Variants in CPLANE1 observed in about 807,000 individuals in gnomAD.
CPLANE1 encodes ciliogenesis and planar polarity effector 1.
In CPLANE1, 263 loss-of-function variants were observed where a neutral mutation model predicts 362.5. That is an observed-to-expected ratio of 0.73 (90% CI 0.66 to 0.80). The LOEUF is 0.80. Among genes scored for constraint, CPLANE1 ranks in the 30% least tolerant of loss-of-function variants. The probability of loss-of-function intolerance (pLI) is 0.00; values close to 1 mark genes in which losing one functional copy is unlikely to be tolerated. For synonymous variants in CPLANE1, 1,212 were observed against 1,302.6 expected, an observed-to-expected ratio of 0.93 and a Z score of 1.50; for missense variants, 3,461 against 3,793.4, an observed-to-expected ratio of 0.91 and a Z score of 2.30.
chr5:37,136,526 G>A lies in CPLANE1; in HGVS notation c.8792+2194C>T, dbSNP rs140568564. Among the ~76,000 whole-genome samples the A allele has an allele frequency of 8.4e-4, 128 of 152,308 alleles. No homozygotes were observed. The East Asian group carries it at 0.014, about 17-fold the overall frequency. Reference sequence around the variant, plus strand: ...TCTACCATTCTGGGGTCTGAAGGACGATGGCCCTCTTCTCACAGCTCCACT... The same window carrying A: ...TCTACCATTCTGGGGTCTGAAGGACAATGGCCCTCTTCTCACAGCTCCACT... On this transcript the variant is annotated intron_variant, in intron 46 of 52. Coordinates refer to ENST00000651892, the MANE Select transcript of CPLANE1 (RefSeq NM_001384732.1).
At chr5:37,124,729 TTC>T in intron 47 of CPLANE1, 2 of 230,390 alleles carry the variant, frequency 8.7e-6, no homozygotes, top group African/African-American at 4.7e-5. Context: ...ATTTTTTTTT[TTC>T]TTTTGTAGAG....
intron 8 of CPLANE1, among the ~76,000 whole-genome samples, chr5:37,235,567 C>CTTTTTTTTTTTT (rs546612161): frequency 1.1e-5 from 1 of 93,360 alleles, no homozygotes; most frequent in Non-Finnish European, 2.0e-5. Context: ...TATCTAATTT[C>CTTTTTTTTTTTT]TTTTTTTTTT....
chr5:37,224,995 G>A (rs1420384763), intron 12 of CPLANE1, among the ~76,000 whole-genome samples: 2 of 141,796 alleles, frequency 1.4e-5, no homozygotes, highest in African/African-American at 5.3e-5. Context: ...ACGTTGCCCA[G>A]ACTGATCTCA....
At chr5:37,078,585 C>T in the CPLANE1 span, among the ~76,000 whole-genome samples, 1 of 152,112 alleles carries the variant, frequency 6.6e-6, no homozygotes, top group African/African-American at 2.4e-5. Flanking sequence ...ATTGCTGGGT[C>T]AAATGGTATT....
At chr5:37,154,136 C>A in intron 41 of CPLANE1, 143 bp from the exon 42 acceptor site, 1 of 637,522 alleles carries the variant, frequency 1.6e-6, no homozygotes, top group South Asian at 2.8e-5. Context: ...CCTAAAAATT[C>A]CTTTTCAGCT....
chr5:37,223,516 T>A (rs1795790257), intron 14 of CPLANE1, among the ~76,000 whole-genome samples: 1 of 152,112 alleles, frequency 6.6e-6, no homozygotes, highest in Non-Finnish European at 1.5e-5. Context: ...GCCACAGCAG[T>A]CAGAAAATAA....
chr5:37,123,296 T>C (rs535742446), intron 47 of CPLANE1, among the ~76,000 whole-genome samples: 1 of 152,290 alleles, frequency 6.6e-6, no homozygotes, highest in South Asian at 2.1e-4. Flanking sequence ...TCACACACAA[T>C]TATGTATATA....
chr5:37,222,400 AAGATTGGAAGC>A (rs1310441075), intron 14 of CPLANE1, among the ~76,000 whole-genome samples: 5 of 152,198 alleles, frequency 3.3e-5, no homozygotes, highest in Non-Finnish European at 5.9e-5. Context: ...TAATGGCCTT[AAGATTGGAAGC>A]AATGCACTAA....
intron 26 of CPLANE1, among the ~76,000 whole-genome samples, chr5:37,181,691 T>C (rs1782695157): frequency 6.6e-6 from 1 of 152,102 alleles, no homozygotes. Flanking sequence ...GGCATGAGCC[T>C]GTGGTCCCAG....
intron 51 of CPLANE1, among the ~76,000 whole-genome samples, chr5:37,112,045 C>T (rs1282883045): frequency 2.0e-5 from 3 of 152,142 alleles, no homozygotes; most frequent in Non-Finnish European, 2.9e-5. Context: ...CAAGTATTCA[C>T]GATATGACTA....
At chr5:37,122,528 C>G (rs375394384) in intron 47 of CPLANE1, 40 bp from the exon 48 acceptor site, 8 of 1,475,790 alleles carry the variant, frequency 5.4e-6, no homozygotes, top group Non-Finnish European at 6.6e-6. Flanking sequence ...ATTGTTCAAT[C>G]CAAATAATTA....
At chr5:37,118,717 A>C (rs1490454533) in intron 50 of CPLANE1, among the ~76,000 whole-genome samples, 6 of 129,516 alleles carry the variant, frequency 4.6e-5, no homozygotes, top group Non-Finnish European at 1.5e-5. Flanking sequence ...TTGTTATTTT[A>C]CTTTTTTTTT....
intron 26 of CPLANE1, 82 bp from the exon 27 acceptor site, chr5:37,181,087 C>T: frequency 1.7e-6 from 2 of 1,192,358 alleles, no homozygotes; most frequent in Admixed American, 2.3e-5. Context: ...ATTCTTTCTA[C>T]AGGAATTCTG....
At chr5:37,122,984 G>T (rs1234207803) in intron 47 of CPLANE1, among the ~76,000 whole-genome samples, 1 of 152,150 alleles carries the variant, frequency 6.6e-6, no homozygotes, top group African/African-American at 2.4e-5. Context: ...TTAATTAGGA[G>T]AGAACCTTAT....
intron 26 of CPLANE1, among the ~76,000 whole-genome samples, chr5:37,181,338 C>T (rs1424515107): frequency 6.6e-6 from 1 of 152,126 alleles, no homozygotes; most frequent in Admixed American, 6.5e-5. Flanking sequence ...ATCATAAAGA[C>T]ATTCAGTAGT....
chr5:37,196,372 C>T (rs2151375873), intron 20 of CPLANE1, among the ~76,000 whole-genome samples: 1 of 152,144 alleles, frequency 6.6e-6, no homozygotes, highest in East Asian at 1.9e-4. Context: ...AAAAATTATG[C>T]CTACATACAT....
chr5:37,118,419 G>T (rs1761665140), intron 50 of CPLANE1, among the ~76,000 whole-genome samples: 2 of 150,168 alleles, frequency 1.3e-5, no homozygotes, highest in African/African-American at 2.5e-5. Context: ...AAAAAAAAAG[G>T]CCAAGAGCTA....
intron 23 of CPLANE1, 96 bp downstream of exon 23, chr5:37,187,318 C>A: frequency 9.7e-7 from 1 of 1,035,540 alleles, no homozygotes; most frequent in Non-Finnish European, 1.4e-6. Context: ...TGAAATAATC[C>A]AAAGAAAGGC....
chr5:37,164,894 C>A (rs1777832367), intron 36 of CPLANE1, among the ~76,000 whole-genome samples: 1 of 152,124 alleles, frequency 6.6e-6, no homozygotes, highest in Non-Finnish European at 1.5e-5. Flanking sequence ...CACTTGAGGT[C>A]AGGAGTTGGA....
Sources: allele counts gnomAD v4.1 joint callset (sites outside exome capture counted in the v4.1 genomes callset), GRCh38; gene constraint gnomAD v4.1.1; transcripts MANE v1.5; gene names NCBI Gene and HGNC (gene_info 2026-07-23, HGNC 2026-07-21).